The following BAZ1A variants were observed in gnomAD, a reference collection of about 807,000 sequenced individuals.
The protein encoded by BAZ1A is bromodomain adjacent to zinc finger domain protein 1A.
A neutral mutation model predicts 185.2 loss-of-function variants in BAZ1A; 50 were observed. That is an observed-to-expected ratio of 0.27 (90% CI 0.22 to 0.34). The LOEUF (loss-of-function observed/expected upper bound fraction) is 0.34. BAZ1A is among the 10% of genes least tolerant of loss of function. The pLI, the probability that BAZ1A is intolerant of heterozygous loss-of-function variation, is 1.00. For synonymous variants in BAZ1A, 571 were observed against 615.6 expected (o/e 0.93, Z 1.07); for missense variants, 1,356 against 1,839.9 (o/e 0.74, Z 4.81).
chr14:34,808,520 CA>C (rs928376950), intron 5 of BAZ1A, among the ~76,000 whole-genome samples: 7 of 151,478 alleles, frequency 4.6e-5, no homozygotes, highest in African/African-American at 1.2e-4. Context: ...CAAAACAAAA[CA>C]AAAAAAATTA....
chr14:34,822,835 T>C (rs565968558), intron 4 of BAZ1A, among the ~76,000 whole-genome samples: 80 of 152,314 alleles, frequency 5.3e-4, no homozygotes, highest in African/African-American at 1.9e-3. Context: ...TTCAAAATGC[T>C]ACCTTATAAC....
At position 34,773,583 on chromosome 14, in the gene BAZ1A, T is replaced by C; in HGVS notation, c.3141A>G (p.Ile1047Met). Residue 1047 changes from isoleucine (I) to methionine (M), a missense_variant, in exon 20 of 27, where the codon ATA becomes ATG. Around this residue, in one of 7 missense-constraint regions of BAZ1A, gnomAD observed 434 missense variants for 561.7 expected, o/e 0.77. Transcript: ENST00000360310. The part of the protein sequence containing the change: ...EMEIDEQTKV[I>M]VKDRLLGIKT... Reference sequence around the variant, plus strand: ...AAATCTTTTTGTACCTGTCTTTTACTATGACCTTTGTTTGTTCATCAATTT... The same window carrying C: ...AAATCTTTTTGTACCTGTCTTTTACCATGACCTTTGTTTGTTCATCAATTT... 2.5e-6 allele frequency: 4 copies of C among 1,606,988 alleles called. No homozygotes were observed. The highest frequency in any genetic ancestry group is 1.3e-5 in the African/African-American group (1 of 74,614).
rs1033247251 is a variant in BAZ1A at position 34,874,657 on chromosome 14, G to A, written c.-53C>T. On this transcript the variant is annotated 5_prime_UTR_variant, in exon 2 of 27. Coordinates refer to ENST00000360310, the MANE Select transcript of BAZ1A (RefSeq NM_013448.3). The surrounding 1 kb of genome is among the most constrained non-coding windows in gnomAD (Gnocchi z 4.7). ...ACCCTCGGCCGCCCGCGCCGGCCCC[G>A]CTTCCCTATCAAAATTGGAGGGAAA... 4 of 1,473,182 alleles carry A rather than the reference G, an allele frequency of 2.7e-6. No individual in the cohort carries two copies. Among genetic ancestry groups the A allele is most frequent in the African/African-American group, 1.4e-5 (1 of 69,312 alleles). 91.3% of individuals were successfully genotyped at this position (1,473,182 alleles called of 1,614,324 possible). A position where few individuals can be genotyped will look rare whatever the true frequency, so the allele number is the denominator to read the frequency against.
intron 17 of BAZ1A, among the ~76,000 whole-genome samples, chr14:34,777,967 T>A (rs1566556054): frequency 6.6e-6 from 1 of 152,144 alleles, no homozygotes; most frequent in Non-Finnish European, 1.5e-5. Context: ...CATCCCAGCC[T>A]GGGTGACAGA....
At chr14:34,829,298 C>T (rs1488064676) in intron 3 of BAZ1A, among the ~76,000 whole-genome samples, 3 of 140,208 alleles carry the variant, frequency 2.1e-5, no homozygotes, top group African/African-American at 5.3e-5. Context: ...AAAAGCCAGG[C>T]ATGGTGGTGC....
intron 3 of BAZ1A, among the ~76,000 whole-genome samples, chr14:34,845,542 T>C (rs1341678606): frequency 6.6e-6 from 1 of 152,164 alleles, no homozygotes; most frequent in Non-Finnish European, 1.5e-5. Flanking sequence ...TTCAAGTTTA[T>C]CTATGAGAAA....
intron 12 of BAZ1A, among the ~76,000 whole-genome samples, chr14:34,787,083 G>A (rs965405966): frequency 4.6e-5 from 7 of 152,080 alleles, no homozygotes; most frequent in East Asian, 3.9e-4. Flanking sequence ...GGCCAAGTGC[G>A]GTGGCTCATG....
chr14:34,804,263 C>T (rs1475620892), intron 6 of BAZ1A, among the ~76,000 whole-genome samples: 1 of 152,190 alleles, frequency 6.6e-6, no homozygotes, highest in African/African-American at 2.4e-5. Flanking sequence ...CCGCCTTGGC[C>T]TCCCAAAGTG....
intron 4 of BAZ1A, among the ~76,000 whole-genome samples, chr14:34,820,021 TATG>T (rs1223934136): frequency 2.6e-5 from 4 of 152,146 alleles, no homozygotes; most frequent in Non-Finnish European, 5.9e-5. Context: ...CCTAATGACA[TATG>T]ATGTTGAACA....
chr14:34,786,269 A>G (rs778640116), intron 12 of BAZ1A, 48 bp from the exon 13 acceptor site: 1 of 1,520,808 alleles, frequency 6.6e-7, no homozygotes, highest in South Asian at 1.2e-5. Context: ...AAGCTTGAAT[A>G]TTTGGGAATA....
At chr14:34,855,489 A>G (rs1383932588) in intron 3 of BAZ1A, among the ~76,000 whole-genome samples, 1 of 152,178 alleles carries the variant, frequency 6.6e-6, no homozygotes, top group Non-Finnish European at 1.5e-5. Flanking sequence ...TTCTTTCGTC[A>G]GTTAAGCTCT....
chr14:34,800,159 G>C, intron 9 of BAZ1A, 65 bp downstream of exon 9: 4 of 1,202,758 alleles, frequency 3.3e-6, no homozygotes, highest in Non-Finnish European at 4.4e-6. Context: ...ATCAACCATG[G>C]ATGTAGATAT....
intron 11 of BAZ1A, 75 bp downstream of exon 11, chr14:34,794,673 CA>C: frequency 2.0e-6 from 3 of 1,465,440 alleles, no homozygotes; most frequent in Non-Finnish European, 2.8e-6. Context: ...CAGAACTTTA[CA>C]AGGTGGCTTG....
chr14:34,783,813 C>T lies in BAZ1A; in HGVS notation c.1946G>A (p.Arg649Gln), dbSNP rs1264237933. The change falls in exon 15 of 27, where the codon CGG (arginine) becomes CAG (glutamine). Residue 649 changes from arginine (R) to glutamine (Q), a missense_variant. By Grantham distance (43) the Arg-to-Gln change is conservative. Transcript: ENST00000360310. ...DILRQAKQEF[R>Q]ELKAEQHRKE... is the part of the protein sequence containing the mutation. ...TCGATGTTGTTCTGCTTTTAATTCC[C>T]GGAACTCCTGCTTTGCCTGTCGTAA... 3.7e-6 allele frequency: 6 copies of T among 1,613,384 alleles called. No homozygotes were observed. Among genetic ancestry groups the T allele is most frequent in the South Asian group, 1.1e-5 (1 of 90,856 alleles).
Position 34,833,389 on chromosome 14 carries a change from G to A in BAZ1A, c.393-7233C>T, listed in dbSNP as rs142411624. ...CTAAAGATACAAAAATTAGCCGGGC[G>A]TGGTGGCGCGCGCCTATAATCCCAG... On this transcript the variant is annotated intron_variant, in intron 3 of 26. Coordinates refer to ENST00000360310, the MANE Select transcript of BAZ1A (RefSeq NM_013448.3). Among the ~76,000 whole-genome samples, 583 of 152,210 alleles carry A rather than the reference G, an allele frequency of 3.8e-3. 6 individuals carry two copies. Among genetic ancestry groups the A allele is most frequent in the African/African-American group, 0.013 (555 of 41,550 alleles).
chr14:34,836,138 G>C (rs2138743163), intron 3 of BAZ1A, among the ~76,000 whole-genome samples: 1 of 90,416 alleles, frequency 1.1e-5, no homozygotes, highest in African/African-American at 3.6e-5. Context: ...CCAGCACTTT[G>C]GGAGGCCGAG....
At chr14:34,782,768 T>C (rs1175389979) in intron 16 of BAZ1A, among the ~76,000 whole-genome samples, 2 of 152,196 alleles carry the variant, frequency 1.3e-5, no homozygotes, top group African/African-American at 4.8e-5. Flanking sequence ...GACAATCCTA[T>C]CTCAAATATT....
intron 18 of BAZ1A, among the ~76,000 whole-genome samples, chr14:34,775,556 CA>C (rs368633860): frequency 0.013 from 1,964 of 152,308 alleles, 48 homozygotes; most frequent in African/African-American, 0.042. Flanking sequence ...GACTCTCAGC[CA>C]AAACCCTTAA....
intron 10 of BAZ1A, among the ~76,000 whole-genome samples, chr14:34,795,105 C>T (rs376943261): frequency 2.6e-4 from 39 of 152,172 alleles, no homozygotes; most frequent in East Asian, 1.9e-3. Context: ...TGACAAGGGA[C>T]CGGGAGAAAG....
Sources: allele counts gnomAD v4.1 joint callset (sites outside exome capture counted in the v4.1 genomes callset), GRCh38; gene constraint gnomAD v4.1.1; regional missense constraint gnomAD v4.1.1; non-coding constraint Gnocchi (gnomAD v3.1); transcripts MANE v1.5; gene names NCBI Gene and HGNC (gene_info 2026-07-23, HGNC 2026-07-21).